NAPEPLD: variants seen among roughly 807,000 people sequenced by gnomAD.
NAPEPLD encodes the protein N-acyl-phosphatidylethanolamine-hydrolyzing phospholipase D.
A neutral mutation model predicts 38.1 loss-of-function variants in NAPEPLD; 23 were observed. That is an observed-to-expected ratio of 0.60 (90% CI 0.43 to 0.86). The LOEUF (loss-of-function observed/expected upper bound fraction) is 0.86. Among genes scored for constraint, NAPEPLD ranks in the 40% least tolerant of loss-of-function variants. The pLI is 0.00. For missense variants in NAPEPLD, 411 were observed against 476.8 expected, an observed-to-expected ratio of 0.86 and a Z score of 1.28; for synonymous variants, 147 against 162.0, an observed-to-expected ratio of 0.91 and a Z score of 0.71.
intron 1 of NAPEPLD, among the ~76,000 whole-genome samples, chr7:103,137,960 T>C (rs759270091): frequency 4.0e-5 from 6 of 149,154 alleles, no homozygotes; most frequent in Non-Finnish European, 8.9e-5. Context: ...ATATGTCAGA[T>C]GATCTTTCTT....
At chr7:103,138,526 T>A (rs182357202) in intron 1 of NAPEPLD, among the ~76,000 whole-genome samples, 90 of 151,302 alleles carry the variant, frequency 5.9e-4, no homozygotes, top group African/African-American at 1.7e-3. Context: ...TGGAGTCCAG[T>A]GGTGCGATCT....
intron 4 of NAPEPLD, among the ~76,000 whole-genome samples, chr7:103,112,304 G>A (rs1222786555): frequency 6.6e-6 from 1 of 152,248 alleles, no homozygotes; most frequent in South Asian, 2.1e-4. Context: ...TCATGCACAC[G>A]TGTGTTTATT....
intron 4 of NAPEPLD, among the ~76,000 whole-genome samples, chr7:103,108,362 C>T (rs1012409628): frequency 6.6e-6 from 1 of 152,020 alleles, no homozygotes; most frequent in Admixed American, 6.5e-5. Context: ...AGGCTGGTCT[C>T]GAACTCCTGA....
chr7:103,110,839 C>T (rs1436557007), intron 4 of NAPEPLD, among the ~76,000 whole-genome samples: 1 of 152,184 alleles, frequency 6.6e-6, no homozygotes, highest in East Asian at 1.9e-4. Context: ...CCCATCATCT[C>T]AACCCAAAAT....
chr7:103,128,306 G>C, intron 2 of NAPEPLD, 177 bp downstream of exon 2: 1 of 684,846 alleles, frequency 1.5e-6, no homozygotes. Context: ...CCAGATCAGG[G>C]TTGGTTATTC....
rs797000148 is a variant in NAPEPLD at position 103,148,912 on chromosome 7, T to C, written c.-118A>G. On this transcript the variant is annotated 5_prime_UTR_variant, in exon 1 of 5. Transcript: ENST00000465647. ...CCCAAAGAGAAAAAAAATAATGCTG[T>C]GGCTCTTCACCGAGGCAGCTTCAGA... 3 of 985,232 alleles carry C rather than the reference T, an allele frequency of 3.0e-6. No individual in the cohort carries two copies. The African/African-American group carries it at 5.2e-5, about 17-fold the overall frequency. 61.0% of individuals were successfully genotyped at this position (985,232 alleles called of 1,614,324 possible).
chr7:103,149,817 T>C (rs575356992), upstream of NAPEPLD, among the ~76,000 whole-genome samples: 5 of 152,328 alleles, frequency 3.3e-5, no homozygotes, highest in African/African-American at 9.6e-5. Flanking sequence ...TGCAGACCCA[T>C]TGACGGACTG....
At chr7:103,127,798 A>G (rs1165487621) in intron 2 of NAPEPLD, 1 of 152,256 alleles carries the variant, frequency 6.6e-6, no homozygotes, top group Non-Finnish European at 1.5e-5. Flanking sequence ...TACTTACTTC[A>G]TTCACCAATG....
intron 1 of NAPEPLD, among the ~76,000 whole-genome samples, chr7:103,137,582 AT>A (rs1442402399): frequency 2.0e-5 from 3 of 152,220 alleles, no homozygotes; most frequent in Non-Finnish European, 2.9e-5. Flanking sequence ...ACCTTAAAAA[AT>A]AATAGCAAGC....
intron 1 of NAPEPLD, among the ~76,000 whole-genome samples, chr7:103,131,882 G>A (rs1347875128): frequency 1.3e-5 from 2 of 152,140 alleles, no homozygotes; most frequent in Non-Finnish European, 2.9e-5. Flanking sequence ...TTGGGAGGCC[G>A]AGGCGAGTGG....
intron 1 of NAPEPLD, among the ~76,000 whole-genome samples, chr7:103,133,395 C>T (rs112710071): frequency 0.013 from 1,979 of 152,294 alleles, 28 homozygotes; most frequent in Non-Finnish European, 0.022. Context: ...AGCAGAAGCA[C>T]GTAAAACCTG....
intron 1 of NAPEPLD, among the ~76,000 whole-genome samples, chr7:103,140,387 CTTTTTTTTTTTTTT>C (rs377763676): frequency 8.0e-4 from 74 of 92,640 alleles, no homozygotes; most frequent in African/African-American, 2.9e-3. Flanking sequence ...TCACAGAACT[CTTTTTTTTTTTTTT>C]TTTTTTTTTG....
In NAPEPLD at chr7:103,112,582, A is replaced by G. The variant is rs138561863; in HGVS notation, c.1056+2478T>C. Among the ~76,000 whole-genome samples the G allele has an allele frequency of 6.9e-3, 1,049 of 152,178 alleles. 4 individuals carry two copies. Among genetic ancestry groups the G allele is most frequent in the Non-Finnish European group, 0.011 (771 of 67,998 alleles). On this transcript the variant is annotated intron_variant, in intron 4 of 4. Transcript: ENST00000465647. ...AACACATGGACACAGAGAGGGGAAC[A>G]TCACACATTGGGGCCTGTCAGGGGG... is the stretch of plus-strand genomic sequence containing the variant.
Position 103,122,537 on chromosome 7 carries a change from G to C in NAPEPLD, c.295-2314C>G, listed in dbSNP as rs568940630. Among the ~76,000 whole-genome samples, 14 of 152,260 alleles carry C rather than the reference G, an allele frequency of 9.2e-5. No homozygotes were observed. The South Asian group carries it at 2.9e-3, about 32-fold the overall frequency. On this transcript the variant is annotated intron_variant, in intron 2 of 4. Coordinates refer to ENST00000465647, the MANE Select transcript of NAPEPLD (RefSeq NM_001122838.3). Reference sequence around the variant, plus strand: ...GGCCTGGACAGGAAGAGAAGGAGCAGCACAGGTGGAGGACAAAAAGGTTTC... The same window carrying C: ...GGCCTGGACAGGAAGAGAAGGAGCACCACAGGTGGAGGACAAAAAGGTTTC...
intron 2 of NAPEPLD, among the ~76,000 whole-genome samples, chr7:103,126,036 C>A (rs1807723898): frequency 1.3e-5 from 2 of 152,018 alleles, no homozygotes; most frequent in Admixed American, 1.3e-4. Flanking sequence ...TGCCATGAAA[C>A]TCCATCAGGC....
upstream of NAPEPLD, chr7:103,149,322 C>G: frequency 8.9e-7 from 1 of 1,118,330 alleles, no homozygotes; most frequent in Non-Finnish European, 1.1e-6. Context: ...CTCAGTTCCG[C>G]GGCTTCCGGC....
intron 4 of NAPEPLD, among the ~76,000 whole-genome samples, chr7:103,109,469 C>G (rs1290900103): frequency 1.3e-5 from 2 of 152,070 alleles, no homozygotes; most frequent in Non-Finnish European, 2.9e-5. Context: ...ACTGAAAAAC[C>G]TGCTTCTGAA....
chr7:103,128,358 G>A, intron 2 of NAPEPLD, 125 bp downstream of exon 2: 2 of 1,142,546 alleles, frequency 1.8e-6, no homozygotes, highest in East Asian at 2.4e-5. Context: ...TTAGGGCCTA[G>A]GTTACACCTA....
At chr7:103,143,559 G>C (rs1436523190) in intron 1 of NAPEPLD, among the ~76,000 whole-genome samples, 5 of 152,106 alleles carry the variant, frequency 3.3e-5, no homozygotes, top group Non-Finnish European at 1.5e-5. Context: ...GTCTCCTTAA[G>C]GGAAAGGGAG....
Sources: gnomAD v4.1 joint callset for allele counts (sites outside exome capture counted in the v4.1 genomes callset) on GRCh38, gnomAD v4.1.1 for gene constraint, MANE v1.5 for transcripts, NCBI Gene and HGNC (gene_info 2026-07-23, HGNC 2026-07-21) for gene names.